Variants in PDE4D observed in about 807,000 individuals in gnomAD.
PDE4D encodes the protein 3',5'-cyclic-AMP phosphodiesterase 4D.
Under a neutral mutation model 87.4 loss-of-function variants are expected in PDE4D, and 24 were observed. The observed-to-expected ratio is 0.27, with a 90% confidence interval of 0.20 to 0.39. The LOEUF (loss-of-function observed/expected upper bound fraction) is 0.39. Ranked by LOEUF, PDE4D falls within the 10% of genes least tolerant of loss-of-function variation. PDE4D has a pLI of 1.00. For synonymous variants in PDE4D, 384 were observed against 383.2 expected (o/e 1.00, Z -0.02); for missense variants, 714 against 1,041.0 (o/e 0.69, Z 4.32).
chr5:59,972,492 C>T (rs574346279), intron 3 of PDE4D, among the ~76,000 whole-genome samples: 1 of 152,332 alleles, frequency 6.6e-6, no homozygotes, highest in African/African-American at 2.4e-5. Context: ...AAACCTAGGT[C>T]GCTCACAAAG....
At chr5:59,182,799 C>T (rs1166253818) in intron 4 of PDE4D, among the ~76,000 whole-genome samples, 1 of 152,118 alleles carries the variant, frequency 6.6e-6, no homozygotes, top group Non-Finnish European at 1.5e-5. Flanking sequence ...AGCCAGAACT[C>T]ACTTCTGGAA....
chr5:60,384,417 A>T (rs904287947), intron 1 of PDE4D, among the ~76,000 whole-genome samples: 2 of 152,200 alleles, frequency 1.3e-5, no homozygotes, highest in African/African-American at 4.8e-5. Context: ...CTACTTTTCT[A>T]ATTGATCCAA....
chr5:60,516,939 G>C (rs1008592157), intron 1 of PDE4D, among the ~76,000 whole-genome samples: 2 of 152,106 alleles, frequency 1.3e-5, no homozygotes, highest in African/African-American at 2.4e-5. Context: ...TGGGAGTCCT[G>C]CCCTCCTGGG....
intron 6 of PDE4D, among the ~76,000 whole-genome samples, chr5:59,001,518 C>T (rs1368742794): frequency 2.6e-5 from 4 of 152,178 alleles, no homozygotes; most frequent in Admixed American, 6.5e-5. Context: ...ATTAAAGCTC[C>T]AACATTCCAC....
intron 6 of PDE4D, among the ~76,000 whole-genome samples, chr5:58,995,248 A>G (rs1168272831): frequency 6.6e-6 from 1 of 152,132 alleles, no homozygotes; most frequent in Non-Finnish European, 1.5e-5. Context: ...AAAGAAAATA[A>G]TGTAAATCCC....
rs947054748 is a variant in PDE4D at position 60,464,757 on chromosome 5, C to T, written c.-90+23185G>A. On this transcript the variant is annotated intron_variant, in intron 1 of 16. Transcript: ENST00000502484. ...ACATGGTACCCAAATTTCCACTCAT[C>T]ATACTGTGGTGGCATTAGAGGATAT... Among the ~76,000 whole-genome samples, 17 of 152,128 alleles carry T rather than the reference C, an allele frequency of 1.1e-4. 1 individual carries two copies. The highest frequency in any genetic ancestry group is 3.9e-4 in the African/African-American group (16 of 41,424).
At chr5:60,487,928 T>A (rs182558228) in intron 1 of PDE4D, 2 of 152,370 alleles carry the variant, frequency 1.3e-5, no homozygotes, top group Admixed American at 1.3e-4. Flanking sequence ...AAAAAAAATA[T>A]CAGGATTACT....
intron 1 of PDE4D, among the ~76,000 whole-genome samples, chr5:59,513,136 T>A (rs1327844794): frequency 1.3e-5 from 2 of 152,132 alleles, no homozygotes. Context: ...GATTGAATAG[T>A]GAATATTGGT....
chr5:59,784,638 A>G (rs139840541), intron 1 of PDE4D, among the ~76,000 whole-genome samples: 2 of 152,332 alleles, frequency 1.3e-5, no homozygotes, highest in East Asian at 3.9e-4. Context: ...ATGTACAATC[A>G]GTCATTAAAA....
chr5:59,500,003 G>T (rs571975269), intron 1 of PDE4D, among the ~76,000 whole-genome samples: 2 of 152,058 alleles, frequency 1.3e-5, no homozygotes, highest in Non-Finnish European at 2.9e-5. Flanking sequence ...CTGATGAACA[G>T]ATGCAAAAGT....
At chr5:59,607,336 C>T (rs1209319179) in intron 1 of PDE4D, among the ~76,000 whole-genome samples, 1 of 152,038 alleles carries the variant, frequency 6.6e-6, no homozygotes, top group Non-Finnish European at 1.5e-5. Flanking sequence ...CATCCATGCC[C>T]CTCCCCTTTC....
intron 2 of PDE4D, among the ~76,000 whole-genome samples, chr5:60,109,453 C>T (rs1244992959): frequency 1.3e-5 from 2 of 150,220 alleles, no homozygotes; most frequent in East Asian, 2.0e-4. Flanking sequence ...GTCAGTGTGG[C>T]GATTCCTCAG....
chr5:60,291,742 T>C (rs1011189642), intron 1 of PDE4D, among the ~76,000 whole-genome samples: 2 of 152,192 alleles, frequency 1.3e-5, no homozygotes, highest in Non-Finnish European at 2.9e-5. Context: ...CAAGCATACT[T>C]GTATAGAATA....
chr5:59,002,501 T>C (rs1580215826), intron 6 of PDE4D, among the ~76,000 whole-genome samples: 1 of 147,962 alleles, frequency 6.8e-6, no homozygotes, highest in Non-Finnish European at 1.5e-5. Flanking sequence ...AAAAAAAAGG[T>C]CTGACTACTC....
intron 5 of PDE4D, among the ~76,000 whole-genome samples, chr5:59,082,126 GTAT>G (rs1766878974): frequency 6.6e-6 from 1 of 152,086 alleles, no homozygotes; most frequent in Non-Finnish European, 1.5e-5. Flanking sequence ...CCAGTCTAGG[GTAT>G]TTCTTCACAG....
At chr5:59,910,646 A>T (rs1248940959) in intron 3 of PDE4D, among the ~76,000 whole-genome samples, 3 of 152,224 alleles carry the variant, frequency 2.0e-5, no homozygotes, top group Non-Finnish European at 4.4e-5. Context: ...ACAATCAAAA[A>T]GTGCCTCATT....
chr5:58,997,770 T>C (rs1276886320), intron 6 of PDE4D, among the ~76,000 whole-genome samples: 1 of 152,078 alleles, frequency 6.6e-6, no homozygotes, highest in East Asian at 1.9e-4. Flanking sequence ...TAAAGGAAAG[T>C]AAAAATGCAG....
At chr5:60,016,969 T>C (rs1326047220) in intron 2 of PDE4D, among the ~76,000 whole-genome samples, 1 of 152,198 alleles carries the variant, frequency 6.6e-6, no homozygotes, top group East Asian at 1.9e-4. Context: ...CTATAGCAGC[T>C]ACAGCTGTAT....
chr5:59,062,159 G>T (rs1763225582), intron 5 of PDE4D, among the ~76,000 whole-genome samples: 1 of 152,110 alleles, frequency 6.6e-6, no homozygotes, highest in African/African-American at 2.4e-5. Context: ...AGAAAGACAA[G>T]ATTCTCTGGC....
Sources: gnomAD v4.1 joint callset for allele counts (sites outside exome capture counted in the v4.1 genomes callset) on GRCh38, gnomAD v4.1.1 for gene constraint, MANE v1.5 for transcripts, NCBI Gene and HGNC (gene_info 2026-07-23, HGNC 2026-07-21) for gene names.